SNTG1: variants seen among roughly 807,000 people sequenced by gnomAD.
The protein encoded by SNTG1 is gamma-1-syntrophin.
In SNTG1, 39 loss-of-function variants were observed where a neutral mutation model predicts 74.7. The observed-to-expected ratio is 0.52, with a 90% CI of 0.40 to 0.68. SNTG1 has a LOEUF of 0.68. Among genes scored for constraint, SNTG1 ranks in the 30% least tolerant of loss-of-function variants. The pLI is 0.00. For missense variants in SNTG1, 685 were observed against 609.5 expected, an observed-to-expected ratio of 1.12 and a Z score of -1.30; for synonymous variants, 254 against 217.1, an observed-to-expected ratio of 1.17 and a Z score of -1.49.
chr8:50,053,644 T>TGTGTGTGTGTGC (rs1819772961), intron 1 of SNTG1, among the ~76,000 whole-genome samples: 2 of 150,994 alleles, frequency 1.3e-5, no homozygotes, highest in African/African-American at 4.9e-5. Flanking sequence ...TGTGTGTGTG[T>TGTGTGTGTGTGC]GTGTGTGTGT....
intron 1 of SNTG1, among the ~76,000 whole-genome samples, chr8:50,109,787 G>A (rs1283571995): frequency 6.6e-6 from 1 of 152,142 alleles, no homozygotes; most frequent in Non-Finnish European, 1.5e-5. Context: ...TAGAGAGACA[G>A]GATACTCTGA....
At chr8:50,326,900 T>G (rs1346699633) in intron 2 of SNTG1, among the ~76,000 whole-genome samples, 2 of 152,150 alleles carry the variant, frequency 1.3e-5, no homozygotes, top group Non-Finnish European at 2.9e-5. Context: ...TATTTTTATT[T>G]ACTTTGTTTG....
intron 1 of SNTG1, among the ~76,000 whole-genome samples, chr8:50,114,170 G>A (rs2080722005): frequency 1.3e-5 from 2 of 151,968 alleles, no homozygotes; most frequent in Admixed American, 6.6e-5. Flanking sequence ...TTATATTATT[G>A]CATGCCTAGA....
intron 11 of SNTG1, among the ~76,000 whole-genome samples, chr8:50,552,612 A>G (rs1276112812): frequency 6.6e-6 from 1 of 152,200 alleles, no homozygotes; most frequent in African/African-American, 2.4e-5. Flanking sequence ...ACTTTTTAAT[A>G]TCACGCTTAA....
intron 1 of SNTG1, among the ~76,000 whole-genome samples, chr8:49,932,675 A>C (rs1807706107): frequency 6.6e-6 from 1 of 152,064 alleles, no homozygotes; most frequent in South Asian, 2.1e-4. Context: ...AGTGGCTTTT[A>C]GTCTATTTAC....
intron 1 of SNTG1, among the ~76,000 whole-genome samples, chr8:50,133,030 A>C (rs553751332): frequency 2.0e-5 from 3 of 152,280 alleles, no homozygotes; most frequent in Admixed American, 2.0e-4. Flanking sequence ...ACAAGTACTG[A>C]TTCCTTTTTG....
At chr8:50,675,798 G>A (rs55721261) in intron 15 of SNTG1, among the ~76,000 whole-genome samples, 4,338 of 152,088 alleles carry the variant, frequency 0.029, 83 homozygotes, top group Middle Eastern at 0.048. Flanking sequence ...GCTGGTACCC[G>A]TTTTTCCTTT....
At chr8:50,649,438 G>T (rs776083663) in intron 13 of SNTG1, among the ~76,000 whole-genome samples, 15 of 152,174 alleles carry the variant, frequency 9.9e-5, no homozygotes, top group Non-Finnish European at 2.2e-4. Context: ...GCCGGAGGTT[G>T]CAGTGAGCTG....
At chr8:50,302,232 A>T (rs936519923) in intron 2 of SNTG1, among the ~76,000 whole-genome samples, 3 of 152,140 alleles carry the variant, frequency 2.0e-5, no homozygotes, top group Admixed American at 6.5e-5. Context: ...TAATTTCTGC[A>T]TGTGTAAGGC....
intron 4 of SNTG1, among the ~76,000 whole-genome samples, chr8:50,423,073 C>A (rs150019675): frequency 7.6e-4 from 115 of 152,126 alleles, no homozygotes; most frequent in African/African-American, 2.6e-3. Context: ...GCAAAGCTGG[C>A]TTTATTATGA....
chr8:50,472,919 A>C (rs540255126), intron 8 of SNTG1, among the ~76,000 whole-genome samples: 6 of 152,106 alleles, frequency 3.9e-5, no homozygotes, highest in African/African-American at 1.4e-4. Flanking sequence ...CCAAAAAAAC[A>C]TATGAAAAAA....
intron 8 of SNTG1, among the ~76,000 whole-genome samples, chr8:50,487,540 A>G (rs1268717308): frequency 6.6e-6 from 1 of 152,194 alleles, no homozygotes; most frequent in Non-Finnish European, 1.5e-5. Flanking sequence ...CTTTGGAGGG[A>G]CATGGATGAA....
chr8:50,440,511 C>G (rs1180704172), intron 5 of SNTG1, among the ~76,000 whole-genome samples: 1 of 151,998 alleles, frequency 6.6e-6, no homozygotes, highest in African/African-American at 2.4e-5. Context: ...TTCCTTAGAT[C>G]TGAGAATTTA....
At chr8:50,668,570 G>A (rs1479727685) in intron 15 of SNTG1, among the ~76,000 whole-genome samples, 3 of 150,946 alleles carry the variant, frequency 2.0e-5, no homozygotes, top group African/African-American at 7.3e-5. Flanking sequence ...TGTGCAAAAT[G>A]TGCAGGTTTC....
At chr8:50,575,017 C>T (rs1327886468) in intron 12 of SNTG1, among the ~76,000 whole-genome samples, 1 of 152,150 alleles carries the variant, frequency 6.6e-6, no homozygotes, top group Non-Finnish European at 1.5e-5. Context: ...CACATTTTCA[C>T]ATTTTTATGA....
intron 1 of SNTG1, among the ~76,000 whole-genome samples, chr8:50,107,976 C>T (rs991983940): frequency 1.3e-4 from 20 of 152,110 alleles, no homozygotes; most frequent in East Asian, 1.9e-4. Flanking sequence ...TTGCCTTTGC[C>T]GTGAGCATTT....
At chr8:50,014,804 G>C (rs924736756) in intron 1 of SNTG1, among the ~76,000 whole-genome samples, 1 of 152,018 alleles carries the variant, frequency 6.6e-6, no homozygotes, top group African/African-American at 2.4e-5. Flanking sequence ...AATGTCAGAA[G>C]AGATCTCAGT....
chr8:50,787,384 G>A (rs1013774600), intron 18 of SNTG1, among the ~76,000 whole-genome samples: 16 of 151,928 alleles, frequency 1.1e-4, no homozygotes, highest in Non-Finnish European at 2.2e-4. Flanking sequence ...GGAGCACTCA[G>A]ATTTTGCTAG....
chr8:50,365,698 T>A (rs1475314120), intron 2 of SNTG1, among the ~76,000 whole-genome samples: 2 of 152,164 alleles, frequency 1.3e-5, no homozygotes, highest in Non-Finnish European at 2.9e-5. Context: ...AAATTTATTG[T>A]GTTCTTATTA....
Sources: allele counts gnomAD v4.1 joint callset (sites outside exome capture counted in the v4.1 genomes callset), GRCh38; gene constraint gnomAD v4.1.1; transcripts MANE v1.5; gene names NCBI Gene and HGNC (gene_info 2026-07-23, HGNC 2026-07-21).